The following RUNX2 variants were observed in gnomAD, a reference collection of about 807,000 sequenced individuals.
The protein encoded by RUNX2 is RUNX family transcription factor 2.
RUNX2 carries 10 observed loss-of-function variants against 51.7 expected under a neutral mutation model. That is an observed-to-expected ratio of 0.19 (90% CI 0.12 to 0.33). The LOEUF (loss-of-function observed/expected upper bound fraction) is 0.33. RUNX2 is among the 10% of genes least tolerant of loss of function. RUNX2 has a pLI of 1.00. For synonymous variants in RUNX2, 276 were observed against 273.6 expected (o/e 1.01, Z -0.09); for missense variants, 562 against 691.3 (o/e 0.81, Z 2.10).
intron 5 of RUNX2, among the ~76,000 whole-genome samples, chr6:45,465,669 T>A (rs1799609161): frequency 6.6e-6 from 1 of 151,058 alleles, no homozygotes; most frequent in Non-Finnish European, 1.5e-5. Flanking sequence ...TTAGACAAGA[T>A]CTCATTTCAA....
At chr6:45,485,963 A>AAATTTCAAATTC (rs1800272543) in intron 5 of RUNX2, among the ~76,000 whole-genome samples, 4 of 151,916 alleles carry the variant, frequency 2.6e-5, no homozygotes, top group Non-Finnish European at 2.9e-5. Flanking sequence ...TCAAACATAA[A>AAATTTCAAATTC]AATAAAGATT....
intron 6 of RUNX2, among the ~76,000 whole-genome samples, chr6:45,500,654 C>T (rs115233704): frequency 1.4e-3 from 220 of 152,192 alleles, no homozygotes; most frequent in African/African-American, 5.1e-3. Context: ...GGCGCTGTTG[C>T]CAGGGTGAAT....
At chr6:45,492,379 G>A (rs1800509515) in intron 6 of RUNX2, among the ~76,000 whole-genome samples, 2 of 152,248 alleles carry the variant, frequency 1.3e-5, no homozygotes, top group South Asian at 2.1e-4. Flanking sequence ...CGGTAATAAT[G>A]CACTTTGGGA....
intron 2 of RUNX2, among the ~76,000 whole-genome samples, chr6:45,374,233 C>T (rs771429481): frequency 2.0e-5 from 3 of 152,158 alleles, no homozygotes; most frequent in Admixed American, 6.5e-5. Flanking sequence ...TCTTAGTGCT[C>T]TGTTCACCAA....
At chr6:45,386,276 A>C (rs1797347097) in intron 2 of RUNX2, among the ~76,000 whole-genome samples, 1 of 152,142 alleles carries the variant, frequency 6.6e-6, no homozygotes, top group African/African-American at 2.4e-5. Flanking sequence ...CATATTGGTC[A>C]GGCTGGTCTC....
chr6:45,486,984 C>T (rs1044481331), intron 5 of RUNX2, among the ~76,000 whole-genome samples: 2 of 152,048 alleles, frequency 1.3e-5, no homozygotes, highest in African/African-American at 4.8e-5. Flanking sequence ...TGGGGTGATT[C>T]GCTAGACTAT....
chr6:45,506,463 A>G (rs1467413910), intron 6 of RUNX2, among the ~76,000 whole-genome samples: 1 of 152,224 alleles, frequency 6.6e-6, no homozygotes, highest in Admixed American at 6.5e-5. Context: ...CAAGCACTCA[A>G]GAGTGAGTGC....
chr6:45,431,397 A>C (rs2150367907), intron 3 of RUNX2, among the ~76,000 whole-genome samples: 1 of 152,286 alleles, frequency 6.6e-6, no homozygotes, highest in East Asian at 1.9e-4. Flanking sequence ...CCAGGGTTTC[A>C]CTTAAAAATC....
In RUNX2 at chr6:45,465,278, A is replaced by G. The variant is rs768267408; in HGVS notation, c.686-26663A>G. 3.9e-4 allele frequency among the ~76,000 whole-genome samples: 59 copies of G among 152,198 alleles called. 1 individual carries two copies. The highest frequency in any genetic ancestry group is 6.3e-4 in the Non-Finnish European group (43 of 68,036). On this transcript the variant is annotated intron_variant, in intron 5 of 8. Transcript: ENST00000647337. ...GGATCTTTCAGAGACATTGCTCAGC[A>G]AGATCATCTAAGGGCAGTGAAATGG...
intron 7 of RUNX2, among the ~76,000 whole-genome samples, chr6:45,525,509 T>G (rs1801647186): frequency 6.6e-6 from 1 of 152,358 alleles, no homozygotes; most frequent in African/African-American, 2.4e-5. Flanking sequence ...CTTTTGAATT[T>G]CAGATGTGCC....
chr6:45,535,657 C>G (rs1164451122), intron 7 of RUNX2, among the ~76,000 whole-genome samples: 1 of 151,354 alleles, frequency 6.6e-6, no homozygotes, highest in Non-Finnish European at 1.5e-5. Flanking sequence ...TAATTGCCTG[C>G]AGAGAGGAAG....
intron 5 of RUNX2, among the ~76,000 whole-genome samples, chr6:45,487,781 T>C (rs1800328532): frequency 6.6e-6 from 1 of 152,164 alleles, no homozygotes; most frequent in African/African-American, 2.4e-5. Flanking sequence ...AACTAGGTTG[T>C]GAGATTATAG....
chr6:45,431,964 G>GA lies in RUNX2; in HGVS notation c.530dup (p.Asn177LysfsTer42). The stretch of plus-strand genomic sequence containing the variant: ...AGCTCCGGAATGCCTCTGCTGTTAT[G>GA]AAAAACCAAGTAGCAAGGTTCAACG... On this transcript the variant is annotated frameshift_variant, in exon 4 of 9. Coordinates refer to ENST00000647337, the MANE Select transcript of RUNX2 (RefSeq NM_001024630.4). LOFTEE classifies it high-confidence loss of function. 6.2e-7 allele frequency: 1 copy of GA among 1,614,140 alleles called. No homozygotes were observed. Among genetic ancestry groups the GA allele is most frequent in the Non-Finnish European group, 8.5e-7 (1 of 1,180,012 alleles).
intron 5 of RUNX2, among the ~76,000 whole-genome samples, chr6:45,454,757 TTCTA>T (rs1203972903): frequency 2.0e-5 from 3 of 152,214 alleles, no homozygotes; most frequent in Non-Finnish European, 4.4e-5. Context: ...CTATTCCTAC[TTCTA>T]TTCCTGGTGC....
chr6:45,404,133 G>A (rs1797779347), intron 2 of RUNX2, among the ~76,000 whole-genome samples: 1 of 151,628 alleles, frequency 6.6e-6, no homozygotes, highest in African/African-American at 2.4e-5. Context: ...GGTGGCGTGT[G>A]CCTGTAGTCC....
intron 7 of RUNX2, among the ~76,000 whole-genome samples, chr6:45,517,124 G>A (rs1801355772): frequency 6.6e-6 from 1 of 152,126 alleles, no homozygotes; most frequent in Non-Finnish European, 1.5e-5. Flanking sequence ...AGATGCACAG[G>A]TAAGATGCAT....
chr6:45,373,723 T>C (rs1039640954), intron 2 of RUNX2, among the ~76,000 whole-genome samples: 1 of 152,102 alleles, frequency 6.6e-6, no homozygotes, highest in Non-Finnish European at 1.5e-5. Context: ...GCTAATTTTT[T>C]TGTAATTTTA....
chr6:45,389,733 G>A lies in RUNX2; in HGVS notation c.59-32860G>A, dbSNP rs1319955443. ...CAGAATTAGAACATATTGGCAGGCC[G>A]GGCATGGTGGCTCATGCCTGTAATC... On this transcript the variant is annotated intron_variant, in intron 2 of 8. Coordinates refer to ENST00000647337, the MANE Select transcript of RUNX2 (RefSeq NM_001024630.4). Among the ~76,000 whole-genome samples, 44 of 152,252 alleles carry A rather than the reference G, an allele frequency of 2.9e-4. 1 individual carries two copies. The highest frequency in any genetic ancestry group is 2.7e-3 in the Admixed American group (42 of 15,288).
chr6:45,382,948 AAG>A (rs1183803959), intron 2 of RUNX2, among the ~76,000 whole-genome samples: 1 of 152,184 alleles, frequency 6.6e-6, no homozygotes, highest in Non-Finnish European at 1.5e-5. Flanking sequence ...GTTCTAGAGA[AAG>A]AGAGGAATGA....
Sources: gnomAD v4.1 joint callset for allele counts (sites outside exome capture counted in the v4.1 genomes callset) on GRCh38, gnomAD v4.1.1 for gene constraint, MANE v1.5 for transcripts, NCBI Gene and HGNC (gene_info 2026-07-23, HGNC 2026-07-21) for gene names.